DDRGK1: variants seen among roughly 807,000 people sequenced by gnomAD.
DDRGK1 encodes DDRGK domain-containing protein 1.
In DDRGK1, 38 loss-of-function variants were observed where a neutral mutation model predicts 45.8. The observed-to-expected ratio is 0.83, with a 90% confidence interval of 0.64 to 1.09. The LOEUF is 1.09. Among genes scored for constraint, DDRGK1 ranks in the 50% least tolerant of loss-of-function variants. The pLI is 0.00. For synonymous variants in DDRGK1, 171 were observed against 168.7 expected, an observed-to-expected ratio of 1.01 and a Z score of -0.11; for missense variants, 403 against 419.9, an observed-to-expected ratio of 0.96 and a Z score of 0.35.
chr20:3,201,898 G>A (rs181870985), intron 2 of DDRGK1, among the ~76,000 whole-genome samples: 119 of 152,102 alleles, frequency 7.8e-4, no homozygotes, highest in Non-Finnish European at 1.6e-3. Flanking sequence ...TCCTGACCTC[G>A]TGATCCACCC....
intron 1 of DDRGK1, among the ~76,000 whole-genome samples, chr20:3,203,979 T>G (rs2067053889): frequency 6.6e-6 from 1 of 152,112 alleles, no homozygotes; most frequent in South Asian, 2.1e-4. Flanking sequence ...TGGGTGTATC[T>G]GTTCTGTGCC....
intron 5 of DDRGK1, 133 bp from the exon 6 acceptor site, chr20:3,195,001 G>A: frequency 7.5e-7 from 1 of 1,338,754 alleles, no homozygotes; most frequent in East Asian, 2.4e-5. Context: ...CCAACCACCT[G>A]CACATACCGC....
chr20:3,196,950 C>T (rs918230725), intron 4 of DDRGK1, among the ~76,000 whole-genome samples: 1 of 151,804 alleles, frequency 6.6e-6, no homozygotes, highest in African/African-American at 2.4e-5. Context: ...TGGTCGGGCA[C>T]GGTGGCTCAC....
intron 4 of DDRGK1, 58 bp from the exon 5 acceptor site, chr20:3,195,411 T>TCTGGTTGCTGCTACCC: frequency 6.6e-7 from 1 of 1,525,940 alleles, no homozygotes; most frequent in Non-Finnish European, 8.8e-7. Flanking sequence ...AGGCACCTGT[T>TCTGGTTGCTGCTACCC]CTGGTTGCTG....
rs531594973 is a variant in DDRGK1 at position 3,203,179 on chromosome 20, A to G, written c.295+34T>C. The G allele has an allele frequency of 7.3e-6, 11 of 1,502,358 alleles. No individual in the cohort carries two copies. The South Asian group carries it at 9.3e-5, about 13-fold the overall frequency. The allele number at this position is 1,502,358 out of a possible 1,614,324, so 93.1% of individuals were successfully genotyped here. On this transcript the variant is annotated intron_variant, in intron 2 of 8. Transcript: ENST00000354488. ...GCCCTTTTATCCCCCCCTCCAACCC[A>G]AACCCTCTCCCCACCAGGCTGGGCC...
chr20:3,194,248 G>A (rs73076841), intron 6 of DDRGK1, among the ~76,000 whole-genome samples: 24 of 152,032 alleles, frequency 1.6e-4, no homozygotes, highest in African/African-American at 5.6e-4. Context: ...AGTTGCACTT[G>A]AAAACCTCTC....
intron 8 of DDRGK1, 110 bp downstream of exon 8, chr20:3,191,080 C>G: frequency 7.0e-7 from 1 of 1,430,290 alleles, no homozygotes; most frequent in Non-Finnish European, 9.7e-7. Flanking sequence ...CTTGCACACC[C>G]CTCCCCCCAT....
intron 2 of DDRGK1, among the ~76,000 whole-genome samples, chr20:3,201,922 A>G (rs2067041829): frequency 6.6e-6 from 1 of 151,536 alleles, no homozygotes; most frequent in Admixed American, 6.6e-5. Context: ...TCGGCCTCCC[A>G]AAGTGCTGGG....
chr20:3,195,289 A>G lies in DDRGK1; in HGVS notation c.575T>C (p.Leu192Pro). Residue 192 changes from leucine (L) to proline (P), a missense_variant, in exon 5 of 9, where the codon CTG becomes CCG. Coordinates refer to ENST00000354488, the MANE Select transcript of DDRGK1 (RefSeq NM_023935.3). ...CTCCTCCACCACAAAGGCCTCCTTC[A>G]GTTTCAGGTACTCCTCATGCTCCCG... Reference protein sequence around the residue: ...AQREHEEYLKLKEAFVVEEEG... With the variant: ...AQREHEEYLKPKEAFVVEEEG... The G allele has an allele frequency of 6.2e-7, 1 of 1,613,646 alleles. No individual in the cohort carries two copies. Among genetic ancestry groups the G allele is most frequent in the Non-Finnish European group, 8.5e-7 (1 of 1,179,760 alleles).
chr20:3,194,097 A>G (rs923107958), intron 6 of DDRGK1, among the ~76,000 whole-genome samples: 1 of 152,124 alleles, frequency 6.6e-6, no homozygotes, highest in African/African-American at 2.4e-5. Flanking sequence ...CGCTGCTGGC[A>G]GGCGTCTAAA....
intron 4 of DDRGK1, among the ~76,000 whole-genome samples, chr20:3,197,254 T>G (rs921213451): frequency 3.5e-5 from 5 of 143,804 alleles, no homozygotes; most frequent in Non-Finnish European, 6.0e-5. Context: ...AAAGACTGCA[T>G]GAATATTTAA....
chr20:3,191,832 A>G lies in DDRGK1; in HGVS notation c.673-11T>C, dbSNP rs199658244. 89 of 1,604,258 alleles carry G rather than the reference A, an allele frequency of 5.5e-5. No individual in the cohort carries two copies. Among genetic ancestry groups the G allele is most frequent in the Admixed American group, 3.6e-4 (21 of 58,798 alleles). On this transcript the variant is annotated splice_polypyrimidine_tract_variant and intron_variant, in intron 6 of 8. Coordinates refer to ENST00000354488, the MANE Select transcript of DDRGK1 (RefSeq NM_023935.3). ...CACAACCTTGGACTGCTACAAAAAG[A>G]AGGAGGAAAAGAAAGAGAGGCTGAG...
intron 4 of DDRGK1, 61 bp downstream of exon 4, chr20:3,199,940 T>C (rs1600475895): frequency 6.8e-7 from 1 of 1,477,102 alleles, no homozygotes. Flanking sequence ...GGGAGCTGCA[T>C]AAGAAGCAAG....
Position 3,200,447 on chromosome 20 carries a change from C to T in DDRGK1, c.303G>A (p.Glu101=), listed in dbSNP as rs1187223419. 1.3e-6 allele frequency: 2 copies of T among 1,571,412 alleles called. No homozygotes were observed. The highest frequency in any genetic ancestry group is 1.7e-6 in the Non-Finnish European group (2 of 1,157,684). Residue 101 remains glutamate (E), a synonymous_variant, in exon 3 of 9, where the codon GAG becomes GAA. Coordinates refer to ENST00000354488, the MANE Select transcript of DDRGK1 (RefSeq NM_023935.3). The part of the protein sequence containing the change: ...NEEEAVILAQ[E]EEGVEKPAET... The stretch of plus-strand genomic sequence containing the variant: ...CCGCTGGCTTCTCGACACCTTCCTC[C>T]TCCTGGGCTGGGTATGGTCAAAGAA...
chr20:3,203,277 C>T lies in DDRGK1; in HGVS notation c.231G>A (p.Gln77=). ...RRDLGSRLQA[Q]RRAQRVAWAE... ...CCCAGGCCACCCGCTGGGCTCGACGCTGGGCCTGTAGGCGGCTGCCCAGGT... is the reference window on the plus strand; with the variant it reads ...CCCAGGCCACCCGCTGGGCTCGACGTTGGGCCTGTAGGCGGCTGCCCAGGT... Residue 77 remains glutamine, a synonymous_variant, in exon 2 of 9, where the codon CAG becomes CAA. Coordinates refer to ENST00000354488, the MANE Select transcript of DDRGK1 (RefSeq NM_023935.3). 1.2e-6 allele frequency: 2 copies of T among 1,607,956 alleles called. No individual in the cohort carries two copies. The highest frequency in any genetic ancestry group is 8.5e-7 in the Non-Finnish European group (1 of 1,176,550).
intron 6 of DDRGK1, among the ~76,000 whole-genome samples, chr20:3,194,204 T>C (rs534462686): frequency 1.3e-5 from 2 of 152,198 alleles, no homozygotes; most frequent in South Asian, 4.1e-4. Flanking sequence ...CCGCTCCCTC[T>C]GCACTCCTTC....
intron 6 of DDRGK1, among the ~76,000 whole-genome samples, chr20:3,194,088 G>A (rs946111596): frequency 2.0e-5 from 3 of 152,130 alleles, no homozygotes; most frequent in African/African-American, 4.8e-5. Context: ...CCAGCCCCTC[G>A]CTGCTGGCAG....
Position 3,195,330 on chromosome 20 carries a change from G to A in DDRGK1, c.534C>T (p.Arg178=), listed in dbSNP as rs73891123. Residue 178 remains arginine, a synonymous_variant, in exon 5 of 9, where the codon CGC becomes CGT. Coordinates refer to ENST00000354488, the MANE Select transcript of DDRGK1 (RefSeq NM_023935.3). ...CATGCTCCCGCTGGGCCTGCTCCTC[G>A]CGGGCCTTCCTCTCCTCCTCCTCCT... The part of the protein sequence containing the change: ...EQKEEEERKA[R]EEQAQREHEE... 1.5e-3 allele frequency: 2,413 copies of A among 1,607,394 alleles called. 22 individuals are homozygous for A. The African/African-American group carries it at 0.024, about 16-fold the overall frequency.
chr20:3,200,069 G>C lies in DDRGK1; in HGVS notation c.442C>G (p.Leu148Val). 6.2e-7 allele frequency: 1 copy of C among 1,613,932 alleles called. No homozygotes were observed. The highest frequency in any genetic ancestry group is 1.3e-5 in the African/African-American group (1 of 75,056). ...CACTCAGCTTCGCGCTGGGACTCGA[G>C]TCGTTTCCGCTCCTCACGTTCAGCC... is the stretch of plus-strand genomic sequence containing the variant. ...EEAEREERKRLESQREAEWKK... is the reference protein window; with the variant it reads ...EEAEREERKRVESQREAEWKK... The change falls in exon 4 of 9, where the codon CTC (leucine) becomes GTC (valine). Residue 148 changes from leucine (L) to valine (V), a missense_variant. Leu to Val is a conservative substitution (Grantham distance 32). Transcript: ENST00000354488.
Sources: allele counts gnomAD v4.1 joint callset (sites outside exome capture counted in the v4.1 genomes callset), GRCh38; gene constraint gnomAD v4.1.1; transcripts MANE v1.5; gene names NCBI Gene and HGNC (gene_info 2026-07-23, HGNC 2026-07-21).